Variants in BANP observed in about 807,000 individuals in gnomAD.
The protein encoded by BANP is BTG3 associated nuclear protein, also known as protein BANP.
In BANP, 11 loss-of-function variants were observed where a neutral mutation model predicts 68.1. The observed-to-expected ratio is 0.16, with a 90% CI of 0.10 to 0.27. The LOEUF is 0.27. Among genes scored for constraint, BANP ranks in the 10% least tolerant of loss-of-function variants. BANP has a pLI of 1.00. For missense variants in BANP, 504 were observed against 722.7 expected, an observed-to-expected ratio of 0.70 and a Z score of 3.47; for synonymous variants, 329 against 303.2, an observed-to-expected ratio of 1.09 and a Z score of -0.88.
intron 1 of BANP, among the ~76,000 whole-genome samples, chr16:87,960,664 C>T (rs958295228): frequency 2.6e-5 from 4 of 152,174 alleles, no homozygotes; most frequent in Admixed American, 2.6e-4. Flanking sequence ...TTCACAAAAT[C>T]AGTGATTCTG....
At chr16:87,997,829 C>A (rs2067707250) in intron 4 of BANP, among the ~76,000 whole-genome samples, 1 of 152,378 alleles carries the variant, frequency 6.6e-6, no homozygotes, top group African/African-American at 2.4e-5. Flanking sequence ...AGGACTGTTA[C>A]TTCCTGGTGA....
At chr16:88,066,805 A>C (rs1364736012) in intron 12 of BANP, among the ~76,000 whole-genome samples, 1 of 152,100 alleles carries the variant, frequency 6.6e-6, no homozygotes, top group Non-Finnish European at 1.5e-5. Context: ...CAGCCTTCAA[A>C]ACGCCGCTCC....
intron 2 of BANP, among the ~76,000 whole-genome samples, chr16:87,979,212 A>T (rs1205089730): frequency 1.3e-5 from 2 of 152,140 alleles, no homozygotes; most frequent in Non-Finnish European, 2.9e-5. Flanking sequence ...ATGTCAATGT[A>T]TGTAACACGT....
At chr16:87,956,046 C>T (rs1232382290) in intron 1 of BANP, among the ~76,000 whole-genome samples, 4 of 152,166 alleles carry the variant, frequency 2.6e-5, no homozygotes, top group Admixed American at 2.0e-4. Context: ...TTGGGGGCTC[C>T]AGGCACAGGT....
chr16:87,996,935 C>T (rs1434762771), intron 4 of BANP, among the ~76,000 whole-genome samples: 1 of 152,158 alleles, frequency 6.6e-6, no homozygotes, highest in Non-Finnish European at 1.5e-5. Context: ...TTGGACAAAG[C>T]CTGTTGATGT....
intron 6 of BANP, among the ~76,000 whole-genome samples, chr16:88,015,607 T>A (rs1165147218): frequency 6.6e-6 from 1 of 152,182 alleles, no homozygotes; most frequent in Non-Finnish European, 1.5e-5. Flanking sequence ...CTGCTTGGGG[T>A]CACCCGTTCT....
At chr16:88,038,737 C>G (rs562938396) in intron 11 of BANP, among the ~76,000 whole-genome samples, 2 of 152,264 alleles carry the variant, frequency 1.3e-5, no homozygotes, top group South Asian at 4.1e-4. Context: ...ACAGAGTCCA[C>G]TCGCTGGTGG....
chr16:88,044,570 G>C (rs1040981845), intron 11 of BANP, among the ~76,000 whole-genome samples: 1 of 152,240 alleles, frequency 6.6e-6, no homozygotes, highest in African/African-American at 2.4e-5. Context: ...AAAAATACTG[G>C]AATAGATGAT....
chr16:87,967,911 G>A (rs1055265118), intron 1 of BANP, among the ~76,000 whole-genome samples: 2 of 151,152 alleles, frequency 1.3e-5, no homozygotes, highest in African/African-American at 2.4e-5. Context: ...GTGAGCCACC[G>A]TGCCTGGCCT....
intron 2 of BANP, among the ~76,000 whole-genome samples, chr16:87,979,570 G>T (rs145934791): frequency 6.6e-6 from 1 of 152,140 alleles, no homozygotes; most frequent in African/African-American, 2.4e-5. Flanking sequence ...CCAGCAGAGC[G>T]GGGCAGGTGT....
rs377644558 is a variant in BANP, at chr16:88,051,083, G to T, written c.1311+13072G>T. On this transcript the variant is annotated intron_variant, in intron 11 of 13. Transcript: ENST00000682872. ...CCAGCTGAGCAGTCACTCTTCTCCC[G>T]TGATCTCTTGCTGCCACAGCCAAGC... Among the ~76,000 whole-genome samples the T allele has an allele frequency of 3.3e-4, 50 of 152,298 alleles. 2 individuals carry two copies. In the South Asian group the frequency reaches 7.5e-3, roughly 23 times the overall value.
Position 88,064,082 on chromosome 16 carries a change from G to A in BANP, c.1312-1185G>A, listed in dbSNP as rs1306876159. Among the ~76,000 whole-genome samples the A allele has an allele frequency of 6.6e-6, 1 of 152,152 alleles. No individual in the cohort carries two copies. The highest frequency in any genetic ancestry group is 2.4e-5 in the African/African-American group (1 of 41,408). ...AGACATTGTTGCTGCCTTGGAACAAGGTGTGGGGGCCAACCACAAGCAGGC... is the reference window on the plus strand; with the variant it reads ...AGACATTGTTGCTGCCTTGGAACAAAGTGTGGGGGCCAACCACAAGCAGGC... On this transcript the variant is annotated intron_variant, in intron 11 of 13. Coordinates refer to ENST00000682872, the MANE Select transcript of BANP (RefSeq NM_001386991.1). The surrounding 1 kb of genome is among the most constrained non-coding windows in gnomAD (Gnocchi z 4.5).
rs1387948604 is a variant in BANP at position 88,022,362 on chromosome 16, C to T, written c.895+3695C>T. ...CCGATCTCGTCTGATCTAAAGAATGCTGCTGTGGATGGCCGATCCCCATGA... is the reference window on the plus strand; with the variant it reads ...CCGATCTCGTCTGATCTAAAGAATGTTGCTGTGGATGGCCGATCCCCATGA... On this transcript the variant is annotated intron_variant, in intron 7 of 13. Transcript: ENST00000682872. Among the ~76,000 whole-genome samples, 8 of 152,216 alleles carry T rather than the reference C, an allele frequency of 5.3e-5. No individual in the cohort carries two copies. The East Asian group carries it at 1.5e-3, about 29-fold the overall frequency.
intron 12 of BANP, among the ~76,000 whole-genome samples, chr16:88,066,409 G>T (rs2088624689): frequency 6.6e-6 from 1 of 152,174 alleles, no homozygotes; most frequent in South Asian, 2.1e-4. Flanking sequence ...CTTATGGATT[G>T]CTGGGTACTG....
intron 11 of BANP, among the ~76,000 whole-genome samples, chr16:88,059,803 C>G (rs2086207157): frequency 6.6e-6 from 1 of 152,246 alleles, no homozygotes; most frequent in East Asian, 1.9e-4. Flanking sequence ...CTCCTCTGCT[C>G]CCTGTGTGAG....
rs190897540 is a variant in BANP at position 87,959,135 on chromosome 16, G to A, written c.-69+7620G>A. On this transcript the variant is annotated intron_variant, in intron 1 of 13. Transcript: ENST00000682872. ...CACGCTTTTCTGTGAGGGTCAGAGT[G>A]TAAGTGTTTCTGGCCTTGTGGGGCG... Among the ~76,000 whole-genome samples the A allele has an allele frequency of 3.6e-3, 546 of 152,324 alleles. 1 individual carries two copies. Among genetic ancestry groups the A allele is most frequent in the Non-Finnish European group, 6.1e-3 (416 of 68,020 alleles).
intron 10 of BANP, among the ~76,000 whole-genome samples, chr16:88,035,968 C>A (rs1294238850): frequency 6.6e-6 from 1 of 152,206 alleles, no homozygotes; most frequent in Non-Finnish European, 1.5e-5. Flanking sequence ...AGTGCGGGCT[C>A]AGCTGCTGTT....
At chr16:88,049,238 C>A (rs984752327) in intron 11 of BANP, among the ~76,000 whole-genome samples, 3 of 152,264 alleles carry the variant, frequency 2.0e-5, no homozygotes, top group African/African-American at 4.8e-5. Flanking sequence ...TCCCACGACC[C>A]GTCTTTGGGT....
At chr16:88,055,741 G>A (rs1407948425) in intron 11 of BANP, among the ~76,000 whole-genome samples, 1 of 152,022 alleles carries the variant, frequency 6.6e-6, no homozygotes, top group Non-Finnish European at 1.5e-5. Context: ...CACAGAAGGA[G>A]GATCATCTCG....
Sources: gnomAD v4.1 joint callset for allele counts (sites outside exome capture counted in the v4.1 genomes callset) on GRCh38, gnomAD v4.1.1 for gene constraint, Gnocchi (gnomAD v3.1) non-coding constraint, MANE v1.5 for transcripts, NCBI Gene and HGNC (gene_info 2026-07-23, HGNC 2026-07-21) for gene names.